The following STON2 variants were observed in gnomAD, a reference collection of about 807,000 sequenced individuals.
STON2 encodes stonin 2, also known as stonin-2.
STON2 carries 29 observed loss-of-function variants against 65.7 expected under a neutral mutation model. The observed-to-expected ratio is 0.44, with a 90% CI of 0.33 to 0.60. STON2 has a LOEUF of 0.60. STON2 is among the 20% of genes least tolerant of loss of function. The pLI, the probability that STON2 is intolerant of heterozygous loss-of-function variation, is 0.03. For synonymous variants in STON2, 404 were observed against 414.2 expected (o/e 0.98, Z 0.30); for missense variants, 1,054 against 1,118.1 (o/e 0.94, Z 0.82).
At chr14:81,397,515 G>A (rs963251104) in intron 2 of STON2, among the ~76,000 whole-genome samples, 4 of 152,180 alleles carry the variant, frequency 2.6e-5, no homozygotes, top group Admixed American at 2.0e-4. Context: ...TCACATTTCA[G>A]GGGCTCAGTA....
chr14:81,342,424 T>A (rs1351218542), intron 4 of STON2, among the ~76,000 whole-genome samples: 3 of 152,112 alleles, frequency 2.0e-5, no homozygotes, highest in Non-Finnish European at 4.4e-5. Context: ...AGTGAGCCAC[T>A]GCGCCCAGCC....
chr14:81,423,987 A>T (rs936668718), intron 2 of STON2, among the ~76,000 whole-genome samples: 1 of 152,180 alleles, frequency 6.6e-6, no homozygotes, highest in Non-Finnish European at 1.5e-5. Context: ...CACTACTGAC[A>T]TCCCCTATGT....
chr14:81,396,069 C>T lies in STON2; in HGVS notation c.198G>A (p.Ser66=), dbSNP rs201098551. Residue 66 remains serine, a synonymous_variant, in exon 3 of 8, where the codon TCG becomes TCA. Coordinates refer to ENST00000614646, the MANE Select transcript of STON2 (RefSeq NM_001394390.1). ...VDGGSQDHSH[S]EQDDSSEKMG... is the part of the protein sequence containing the mutation. Reference sequence around the variant, plus strand: ...TCTTTTCAGAGGAGTCATCCTGCTCCGAGTGGGAATGGTCTTGAGAGCCTC... The same window carrying T: ...TCTTTTCAGAGGAGTCATCCTGCTCTGAGTGGGAATGGTCTTGAGAGCCTC... 7 of 1,614,176 alleles carry T rather than the reference C, an allele frequency of 4.3e-6. No homozygotes were observed. The highest frequency in any genetic ancestry group is 1.6e-4 in the Middle Eastern group (1 of 6,062).
At chr14:81,315,928 C>A (rs1014753499) in intron 5 of STON2, among the ~76,000 whole-genome samples, 1 of 152,180 alleles carries the variant, frequency 6.6e-6, no homozygotes, top group Non-Finnish European at 1.5e-5. Flanking sequence ...AGGTAACAAC[C>A]TATCCAAGAT....
chr14:81,302,896 A>G (rs1345066468), intron 5 of STON2, among the ~76,000 whole-genome samples: 1 of 152,218 alleles, frequency 6.6e-6, no homozygotes, highest in African/African-American at 2.4e-5. Flanking sequence ...CAGAATGAAC[A>G]CTTAATGATT....
At chr14:81,392,616 T>G (rs1900133511) in intron 3 of STON2, among the ~76,000 whole-genome samples, 1 of 152,194 alleles carries the variant, frequency 6.6e-6, no homozygotes, top group Non-Finnish European at 1.5e-5. Flanking sequence ...CATTAAGAAT[T>G]TTTTGCATTA....
chr14:81,312,357 C>G (rs1347191787), intron 5 of STON2, among the ~76,000 whole-genome samples: 1 of 152,156 alleles, frequency 6.6e-6, no homozygotes, highest in Non-Finnish European at 1.5e-5. Context: ...GTCAGAAAAA[C>G]TTTTACTGGT....
rs1243238023 is a variant in STON2 at position 81,263,261 on chromosome 14, A to G, written c.*5153T>C. ...CTTAAAACATTATGCTATTTTGGCCAGGCGCGGCGGCTCATGCCTGTTATC... is the reference window on the plus strand; with the variant it reads ...CTTAAAACATTATGCTATTTTGGCCGGGCGCGGCGGCTCATGCCTGTTATC... On this transcript the variant is annotated 3_prime_UTR_variant, in exon 8 of 8. Transcript: ENST00000614646. 1.4e-6 allele frequency: 1 copy of G among 737,382 alleles called. No individual in the cohort carries two copies. The highest frequency in any genetic ancestry group is 1.7e-6 in the Non-Finnish European group (1 of 603,740). The allele number at this position is 737,382 out of a possible 1,614,324, so 45.7% of individuals were successfully genotyped here.
rs1234952474 is a variant in STON2, at chr14:81,424,161, T to C, written c.-199+2941A>G. Among the ~76,000 whole-genome samples the C allele has an allele frequency of 2.0e-5, 3 of 152,292 alleles. No homozygotes were observed. In the East Asian group the frequency reaches 5.8e-4, roughly 29 times the overall value. Reference sequence around the variant, plus strand: ...GTTTATTTCCTTCTTTTATTTTTCCTAATCAGGCACGGTGGCTCATGCCTA... The same window carrying C: ...GTTTATTTCCTTCTTTTATTTTTCCCAATCAGGCACGGTGGCTCATGCCTA... On this transcript the variant is annotated intron_variant, in intron 2 of 8. Coordinates refer to the STON2 transcript ENST00000553821.
At chr14:81,342,887 G>A (rs1036731329) in intron 4 of STON2, among the ~76,000 whole-genome samples, 1 of 152,154 alleles carries the variant, frequency 6.6e-6, no homozygotes, top group Admixed American at 6.5e-5. Flanking sequence ...GAGTGGTGGT[G>A]GAAGCACAGA....
At chr14:81,293,162 T>C (rs1895626463) in intron 5 of STON2, among the ~76,000 whole-genome samples, 1 of 149,444 alleles carries the variant, frequency 6.7e-6, no homozygotes, top group African/African-American at 2.4e-5. Flanking sequence ...ACCTTAGTTC[T>C]TGCTGACTTG....
chr14:81,335,998 G>T (rs1595366362), intron 4 of STON2, among the ~76,000 whole-genome samples: 1 of 152,100 alleles, frequency 6.6e-6, no homozygotes, highest in East Asian at 1.9e-4. Context: ...TGTCTGGTAG[G>T]GGCTACTCAG....
intron 4 of STON2, among the ~76,000 whole-genome samples, chr14:81,329,194 G>T (rs372822981): frequency 2.0e-4 from 30 of 152,236 alleles, no homozygotes; most frequent in African/African-American, 6.5e-4. Context: ...GGTGGCTCAC[G>T]CTTGTAATCC....
chr14:81,353,272 T>C (rs528350988), intron 4 of STON2, among the ~76,000 whole-genome samples: 181 of 152,336 alleles, frequency 1.2e-3, no homozygotes, highest in Admixed American at 3.0e-3. Flanking sequence ...TTACCAATCA[T>C]GAAAATACAT....
chr14:81,374,734 G>A (rs547612701), intron 3 of STON2, among the ~76,000 whole-genome samples: 38 of 152,202 alleles, frequency 2.5e-4, no homozygotes, highest in South Asian at 1.2e-3. Flanking sequence ...GAAGACACAC[G>A]GAGGGCAGCG....
chr14:81,380,920 G>A (rs1209605586), intron 3 of STON2, among the ~76,000 whole-genome samples: 1 of 151,964 alleles, frequency 6.6e-6, no homozygotes, highest in Non-Finnish European at 1.5e-5. Flanking sequence ...AAACCCCCAT[G>A]ACAGGCAATT....
intron 2 of STON2, chr14:81,412,952 C>G (rs985094678): frequency 2.3e-6 from 2 of 886,914 alleles, no homozygotes; most frequent in African/African-American, 2.0e-5. Context: ...CAGCCAGCCC[C>G]CTTCTCCATG....
At chr14:81,376,791 T>C (rs971923437) in intron 3 of STON2, among the ~76,000 whole-genome samples, 1 of 152,176 alleles carries the variant, frequency 6.6e-6, no homozygotes, top group Non-Finnish European at 1.5e-5. Context: ...AAAGGAGAAT[T>C]ATATAATGAC....
intron 3 of STON2, among the ~76,000 whole-genome samples, chr14:81,375,593 A>C (rs1425579810): frequency 6.6e-6 from 1 of 152,074 alleles, no homozygotes; most frequent in Non-Finnish European, 1.5e-5. Context: ...TCATAATGGA[A>C]GATGTTAAAA....
Sources: allele counts gnomAD v4.1 joint callset (sites outside exome capture counted in the v4.1 genomes callset), GRCh38; gene constraint gnomAD v4.1.1; transcripts MANE v1.5; gene names NCBI Gene and HGNC (gene_info 2026-07-23, HGNC 2026-07-21).